EBF2: variants seen among roughly 807,000 people sequenced by gnomAD.
The protein encoded by EBF2 is EBF transcription factor 2, also known as transcription factor COE2.
A neutral mutation model predicts 72.8 loss-of-function variants in EBF2; 21 were observed. The observed-to-expected ratio is 0.29, with a 90% CI of 0.20 to 0.42. The LOEUF (loss-of-function observed/expected upper bound fraction) is 0.42. EBF2 is among the 10% of genes least tolerant of loss of function. The pLI is 1.00. For missense variants in EBF2, 637 were observed against 731.2 expected (o/e 0.87, Z 1.49); for synonymous variants, 299 against 274.2 (o/e 1.09, Z -0.89).
At position 25,861,076 on chromosome 8, in the gene EBF2, A is replaced by C. The variant is rs1035621901; in HGVS notation, c.1315T>G (p.Ser439Ala). The C allele has an allele frequency of 6.2e-6, 10 of 1,614,004 alleles. No individual in the cohort carries two copies. In the African/African-American group the frequency reaches 1.1e-4, roughly 17 times the overall value. Residue 439 changes from serine (S) to alanine (A), a missense_variant, in exon 13 of 16, where the codon TCA becomes GCA. Transcript: ENST00000520164. ...TGATTATTTCCTTGTGTTGACTCTG[A>C]GATGCTGACCCCAAGCTGGCTGCCA... ...SYGSQLGVSI[S>A]ESTQGNNQGY...
Position 25,842,060 on chromosome 8 carries a change from A to G in EBF2, c.*2549T>C, listed in dbSNP as rs552188854. On this transcript the variant is annotated 3_prime_UTR_variant, in exon 16 of 16. Transcript: ENST00000520164. ...TATAACAAAAGAAAGATAAATAATG[A>G]AGTAAATTGTCCCTTTAAATGAAAA... 1 of 152,308 alleles carries G rather than the reference A, an allele frequency of 6.6e-6. No homozygotes were observed. Among genetic ancestry groups the G allele is most frequent in the Non-Finnish European group, 1.5e-5 (1 of 68,024 alleles). 9.4% of individuals were successfully genotyped at this position (152,308 alleles called of 1,614,324 possible). A position where few individuals can be genotyped will look rare whatever the true frequency, so the allele number is the denominator to read the frequency against.
chr8:25,861,742 A>G (rs1443578733), intron 11 of EBF2, among the ~76,000 whole-genome samples: 2 of 152,216 alleles, frequency 1.3e-5, no homozygotes, highest in African/African-American at 4.8e-5. Flanking sequence ...AATATTCTTA[A>G]AATGATTGAT....
intron 14 of EBF2, among the ~76,000 whole-genome samples, chr8:25,852,061 G>GTCTTGATTTAAGGAGCTATGCATC (rs1323996480): frequency 6.6e-6 from 1 of 152,160 alleles, no homozygotes; most frequent in Non-Finnish European, 1.5e-5. Context: ...CCTTAAAGTA[G>GTCTTGATTTAAGGAGCTATGCATC]TCTTGATTTA....
At chr8:25,918,227 C>A (rs1029373623) in intron 6 of EBF2, among the ~76,000 whole-genome samples, 2 of 152,180 alleles carry the variant, frequency 1.3e-5, no homozygotes, top group African/African-American at 4.8e-5. Flanking sequence ...TGGGTTCACT[C>A]TCCAATGACC....
intron 6 of EBF2, among the ~76,000 whole-genome samples, chr8:25,977,453 G>C (rs978618538): frequency 6.6e-6 from 1 of 152,096 alleles, no homozygotes; most frequent in Non-Finnish European, 1.5e-5. Context: ...CTTGATAAAG[G>C]CATGAGGAGT....
chr8:25,844,463 G>T lies in EBF2; in HGVS notation c.*146C>A. The T allele has an allele frequency of 1.2e-6, 1 of 839,916 alleles. No homozygotes were observed. The highest frequency in any genetic ancestry group is 1.6e-5 in the South Asian group (1 of 62,268). 52.0% of individuals were successfully genotyped at this position (839,916 alleles called of 1,614,324 possible). ...GAGCTATAGGAGGACGTGGGACCAAGTAAGATGCTGGCTCCTTGCAGACCC... is the reference window on the plus strand; with the variant it reads ...GAGCTATAGGAGGACGTGGGACCAATTAAGATGCTGGCTCCTTGCAGACCC... On this transcript the variant is annotated 3_prime_UTR_variant, in exon 16 of 16. Transcript: ENST00000520164.
intron 10 of EBF2, among the ~76,000 whole-genome samples, chr8:25,880,987 A>G (rs1441925262): frequency 6.6e-6 from 1 of 151,972 alleles, no homozygotes; most frequent in Non-Finnish European, 1.5e-5. Flanking sequence ...CACCCCATCC[A>G]ATCAATCATC....
intron 6 of EBF2, among the ~76,000 whole-genome samples, chr8:26,025,018 A>G (rs943035885): frequency 6.6e-6 from 1 of 152,224 alleles, no homozygotes; most frequent in Non-Finnish European, 1.5e-5. Context: ...ATAAATGTCA[A>G]GGGAAAAGAT....
At chr8:25,919,830 G>A (rs1422386122) in intron 6 of EBF2, among the ~76,000 whole-genome samples, 1 of 152,102 alleles carries the variant, frequency 6.6e-6, no homozygotes, top group Non-Finnish European at 1.5e-5. Flanking sequence ...AACCTCCTGG[G>A]GCTATCTATT....
intron 6 of EBF2, among the ~76,000 whole-genome samples, chr8:25,956,482 T>C (rs895055278): frequency 1.3e-5 from 2 of 152,190 alleles, no homozygotes; most frequent in South Asian, 2.1e-4. Flanking sequence ...CATGGATATA[T>C]TGCAGAGTGG....
chr8:25,862,974 T>C (rs1212220263), intron 10 of EBF2, among the ~76,000 whole-genome samples, 177 bp from the exon 11 acceptor site: 1 of 151,602 alleles, frequency 6.6e-6, no homozygotes, highest in Non-Finnish European at 1.5e-5. Context: ...AGTACTTTTA[T>C]AGTTTCCTAT....
intron 6 of EBF2, among the ~76,000 whole-genome samples, chr8:26,013,354 G>C (rs972555719): frequency 6.6e-6 from 1 of 152,062 alleles, no homozygotes; most frequent in Non-Finnish European, 1.5e-5. Context: ...CACTGCCCTC[G>C]TGAGTTCCTG....
In EBF2 at chr8:26,042,155, C is replaced by A. The variant is rs777436288; in HGVS notation, c.228G>T (p.Arg76Ser). The part of the protein sequence containing the change: ...FFHFVLALYD[R>S]QGQPVEIERT... The stretch of plus-strand genomic sequence containing the variant: ...GCTCGATCTCCACCGGCTGGCCCTG[C>A]CTGTCATAGAGCGCCAGGACGAAGT... The change falls in exon 2 of 16, where the codon AGG becomes AGT. Residue 76 changes from arginine to serine, a missense_variant. Arg to Ser is a moderately radical substitution (Grantham distance 110). Around this residue, in one of 3 missense-constraint regions of EBF2, gnomAD observed 174 missense variants for 161.9 expected, o/e 1.07. Transcript: ENST00000520164. 7 of 1,614,178 alleles carry A rather than the reference C, an allele frequency of 4.3e-6. No individual in the cohort carries two copies. The highest frequency in any genetic ancestry group is 4.2e-6 in the Non-Finnish European group (5 of 1,180,026).
intron 5 of EBF2, among the ~76,000 whole-genome samples, chr8:26,038,606 C>T (rs769936144): frequency 3.3e-5 from 5 of 152,150 alleles, no homozygotes; most frequent in Non-Finnish European, 5.9e-5. Flanking sequence ...CTAATCAAAG[C>T]GTTCTATTTA....
intron 15 of EBF2, among the ~76,000 whole-genome samples, chr8:25,849,438 G>A (rs1487436561): frequency 6.6e-6 from 1 of 152,138 alleles, no homozygotes; most frequent in Non-Finnish European, 1.5e-5. Flanking sequence ...CCATCCCCAG[G>A]ACAATGCAGC....
chr8:25,929,730 G>T (rs888279653), intron 6 of EBF2, among the ~76,000 whole-genome samples: 1 of 152,166 alleles, frequency 6.6e-6, no homozygotes, highest in Non-Finnish European at 1.5e-5. Flanking sequence ...GTAAGGTCAT[G>T]TTGATCCTGG....
At chr8:25,980,552 T>C (rs942554219) in intron 6 of EBF2, among the ~76,000 whole-genome samples, 2 of 152,174 alleles carry the variant, frequency 1.3e-5, no homozygotes, top group East Asian at 3.9e-4. Flanking sequence ...GGATCAGCAT[T>C]CTTTACCGAA....
intron 10 of EBF2, among the ~76,000 whole-genome samples, chr8:25,871,784 T>A (rs1296013487): frequency 6.6e-6 from 1 of 152,224 alleles, no homozygotes; most frequent in African/African-American, 2.4e-5. Context: ...ATAATATTTC[T>A]CTTGAGAGCC....
chr8:26,043,801 T>A (rs992090241), intron 1 of EBF2, among the ~76,000 whole-genome samples: 1 of 151,436 alleles, frequency 6.6e-6, no homozygotes, highest in Non-Finnish European at 1.5e-5. Context: ...TCTTTGGGGG[T>A]AGAAGGGCTG....
Sources: gnomAD v4.1 joint callset for allele counts (sites outside exome capture counted in the v4.1 genomes callset) on GRCh38, gnomAD v4.1.1 for gene constraint, gnomAD v4.1.1 regional missense constraint, MANE v1.5 for transcripts, NCBI Gene and HGNC (gene_info 2026-07-23, HGNC 2026-07-21) for gene names.